STYK1: variants seen among roughly 807,000 people sequenced by gnomAD.
STYK1 encodes the protein tyrosine-protein kinase STYK1.
A neutral mutation model predicts 48.1 loss-of-function variants in STYK1; 46 were observed. The observed-to-expected ratio is 0.96, with a 90% confidence interval of 0.75 to 1.22. The LOEUF (loss-of-function observed/expected upper bound fraction) is 1.22. STYK1 is among the 50% of genes most tolerant of loss of function. The pLI, the probability that STYK1 is intolerant of heterozygous loss-of-function variation, is 0.00. For synonymous variants in STYK1, 188 were observed against 189.0 expected (o/e 0.99, Z 0.04); for missense variants, 527 against 521.1 (o/e 1.01, Z -0.11).
Position 10,620,232 on chromosome 12 carries a change from T to C in STYK1, c.1181A>G (p.Gln394Arg). The C allele has an allele frequency of 6.2e-7, 1 of 1,614,240 alleles. No homozygotes were observed. The highest frequency in any genetic ancestry group is 8.5e-7 in the Non-Finnish European group (1 of 1,180,042). The part of the protein sequence containing the change: ...IKTADDEAVL[Q>R]VPELVVPELY... ...TTCAGGTACCACCAACTCTGGTACTTGTAACACAGCCTCGTCATCTGCAGT... is the reference window on the plus strand; with the variant it reads ...TTCAGGTACCACCAACTCTGGTACTCGTAACACAGCCTCGTCATCTGCAGT... Residue 394 changes from glutamine (Q) to arginine (R), a missense_variant, in exon 11 of 11, where the codon CAA (glutamine) becomes CGA (arginine). Gln to Arg is a conservative substitution (Grantham distance 43, BLOSUM62 1). Transcript: ENST00000075503.
chr12:10,620,134 C>A lies in STYK1; in HGVS notation c.*10G>T. On this transcript the variant is annotated 3_prime_UTR_variant, in exon 11 of 11. Coordinates refer to ENST00000075503, the MANE Select transcript of STYK1 (RefSeq NM_018423.3). ...ATACTCATGCATGAATGTTTCTTGC[C>A]CGAGACTCTTCAAAGCATGCTATAG... The A allele has an allele frequency of 6.2e-7, 1 of 1,614,078 alleles. No homozygotes were observed. The highest frequency in any genetic ancestry group is 1.7e-4 in the Middle Eastern group (1 of 6,048).
chr12:10,654,646 C>T (rs931470084), intron 1 of STYK1, among the ~76,000 whole-genome samples: 1 of 152,054 alleles, frequency 6.6e-6, no homozygotes, highest in Non-Finnish European at 1.5e-5. Context: ...GGGTTAAGGC[C>T]CCTCCTAATA....
At chr12:10,670,324 C>T (rs1947878531) in intron 1 of STYK1, among the ~76,000 whole-genome samples, 1 of 152,022 alleles carries the variant, frequency 6.6e-6, no homozygotes, top group African/African-American at 2.4e-5. Flanking sequence ...GAGATGGAAT[C>T]AATGTAAATG....
At chr12:10,669,752 T>C (rs1281326529) in intron 1 of STYK1, among the ~76,000 whole-genome samples, 1 of 152,134 alleles carries the variant, frequency 6.6e-6, no homozygotes, top group Non-Finnish European at 1.5e-5. Context: ...GTGATTAATA[T>C]CCAAAATACA....
intron 1 of STYK1, among the ~76,000 whole-genome samples, chr12:10,671,224 G>A (rs1464238587): frequency 4.6e-5 from 7 of 152,060 alleles, no homozygotes; most frequent in African/African-American, 1.7e-4. Flanking sequence ...TCGATCTCCT[G>A]ACCTCGTGAT....
At chr12:10,673,801 C>G (rs1947914211) in intron 1 of STYK1, 165 bp downstream of exon 1, 1 of 152,314 alleles carries the variant, frequency 6.6e-6, no homozygotes, top group African/African-American at 2.4e-5. Flanking sequence ...GGTTAATTCA[C>G]TTGGTGATTT....
At chr12:10,639,833 G>C (rs1947524784) in intron 1 of STYK1, among the ~76,000 whole-genome samples, 1 of 152,106 alleles carries the variant, frequency 6.6e-6, no homozygotes, top group African/African-American at 2.4e-5. Flanking sequence ...TTTCAAATGA[G>C]AAAGACCAAC....
chr12:10,660,095 C>A (rs1268247871), intron 1 of STYK1, among the ~76,000 whole-genome samples: 1 of 152,182 alleles, frequency 6.6e-6, no homozygotes, highest in African/African-American at 2.4e-5. Flanking sequence ...CATCTTGGTT[C>A]TAACAGTTGC....
At chr12:10,665,207 TCCCATG>T (rs1591705930) in intron 1 of STYK1, among the ~76,000 whole-genome samples, 1 of 152,154 alleles carries the variant, frequency 6.6e-6, no homozygotes, top group Non-Finnish European at 1.5e-5. Flanking sequence ...GAGGTAACCA[TCCCATG>T]CCTTCTGTAC....
chr12:10,651,679 C>A (rs1947663882), intron 1 of STYK1, among the ~76,000 whole-genome samples: 1 of 152,160 alleles, frequency 6.6e-6, no homozygotes, highest in Non-Finnish European at 1.5e-5. Context: ...TGGGTAAGAA[C>A]TTCATTCTAT....
chr12:10,620,496 G>A (rs1056373833), intron 10 of STYK1, 148 bp from the exon 11 acceptor site: 8 of 707,930 alleles, frequency 1.1e-5, no homozygotes, highest in Admixed American at 2.8e-5. Context: ...CCCAGAGAGT[G>A]ATATTCCTTC....
chr12:10,631,448 A>G (rs1947428642), intron 4 of STYK1, 140 bp from the exon 5 acceptor site: 1 of 1,045,002 alleles, frequency 9.6e-7, no homozygotes, highest in Non-Finnish European at 1.4e-6. Flanking sequence ...ATGCTTCTCT[A>G]TAAACCAGCA....
Position 10,624,859 on chromosome 12 carries a change from C to T in STYK1, c.718G>A (p.Glu240Lys), listed in dbSNP as rs767669011. 59 of 1,613,846 alleles carry T rather than the reference C, an allele frequency of 3.7e-5. No homozygotes were observed. Among genetic ancestry groups the T allele is most frequent in the South Asian group, 2.5e-4 (23 of 91,084 alleles). ...AACAAATGCTTCTCCTGCAGGAATT[C>T]CTGTCAAGATAAAATCAAATATGAT... is the stretch of plus-strand genomic sequence containing the variant. Reference protein sequence around the residue: ...HIGKQVLLALEFLQEKHLFHG... With the variant: ...HIGKQVLLALKFLQEKHLFHG... Residue 240 changes from glutamate to lysine, a missense_variant and splice_region_variant, in exon 8 of 11, where the codon GAA becomes AAA. Glu to Lys is a moderately conservative substitution (Grantham distance 56, BLOSUM62 1). Coordinates refer to ENST00000075503, the MANE Select transcript of STYK1 (RefSeq NM_018423.3).
intron 5 of STYK1, 46 bp from the exon 6 acceptor site, chr12:10,629,720 C>A (rs772591709): frequency 6.2e-7 from 1 of 1,610,002 alleles, no homozygotes; most frequent in East Asian, 2.2e-5. Flanking sequence ...AGAGCATCCT[C>A]GATGAGTGGG....
At chr12:10,634,820 C>T (rs1947468653) in intron 2 of STYK1, 134 bp from the exon 3 acceptor site, 4 of 589,176 alleles carry the variant, frequency 6.8e-6, no homozygotes, top group Non-Finnish European at 8.9e-6. Flanking sequence ...CCGTTTATCT[C>T]TATCTACCTA....
At chr12:10,651,859 T>C (rs10431297) in intron 1 of STYK1, among the ~76,000 whole-genome samples, 83,336 of 151,782 alleles carry the variant, frequency 0.55, 23,591 homozygotes, top group East Asian at 0.79. Flanking sequence ...AAATTGTCAA[T>C]TGTTCTATTC....
intron 7 of STYK1, 58 bp from the exon 8 acceptor site, chr12:10,624,917 C>A: frequency 1.4e-6 from 2 of 1,473,044 alleles, no homozygotes; most frequent in South Asian, 1.1e-5. Flanking sequence ...GGGTCACAGA[C>A]AAGGAGAGGC....
chr12:10,624,640 A>G lies in STYK1; in HGVS notation c.926+11T>C, dbSNP rs1234401523. The G allele has an allele frequency of 1.2e-6, 2 of 1,613,302 alleles. No homozygotes were observed. The highest frequency in any genetic ancestry group is 4.5e-5 in the East Asian group (2 of 44,874). ...AAGAAAGTAAACTCAGAGTCCAGGA[A>G]TAAACCGTACACATCTGCTCTGATG... On this transcript the variant is annotated intron_variant, in intron 8 of 10. Coordinates refer to ENST00000075503, the MANE Select transcript of STYK1 (RefSeq NM_018423.3).
intron 1 of STYK1, among the ~76,000 whole-genome samples, chr12:10,666,837 TA>T (rs1947838775): frequency 1.3e-5 from 2 of 152,250 alleles, no homozygotes; most frequent in South Asian, 4.1e-4. Flanking sequence ...AGGAAACTTA[TA>T]AGGCAGAGGA....
Sources: gnomAD v4.1 joint callset for allele counts (sites outside exome capture counted in the v4.1 genomes callset) on GRCh38, gnomAD v4.1.1 for gene constraint, MANE v1.5 for transcripts, NCBI Gene and HGNC (gene_info 2026-07-23, HGNC 2026-07-21) for gene names.